NCKAP5: variants seen among roughly 807,000 people sequenced by gnomAD.
The protein encoded by NCKAP5 is nck-associated protein 5.
In NCKAP5, 92 loss-of-function variants were observed where a neutral mutation model predicts 167.0. The ratio of observed to expected loss-of-function variants is 0.55; its 90% confidence interval spans 0.47 to 0.66. The LOEUF is 0.66. Among genes scored for constraint, NCKAP5 ranks in the 30% least tolerant of loss-of-function variants. The pLI is 0.00. For missense variants in NCKAP5, 2,378 were observed against 2,315.0 expected, an observed-to-expected ratio of 1.03 and a Z score of -0.56; for synonymous variants, 891 against 877.4, an observed-to-expected ratio of 1.02 and a Z score of -0.27.
At chr2:133,132,481 G>GTGCA (rs1553546862) in intron 5 of NCKAP5, among the ~76,000 whole-genome samples, 1 of 130,000 alleles carries the variant, frequency 7.7e-6, no homozygotes, top group African/African-American at 2.9e-5. Context: ...GAAAAAAAAA[G>GTGCA]CACACACACA....
At chr2:133,546,837 T>A (rs907279084) in intron 2 of NCKAP5, among the ~76,000 whole-genome samples, 2 of 152,174 alleles carry the variant, frequency 1.3e-5, no homozygotes, top group Non-Finnish European at 2.9e-5. Context: ...AGAGCAATTC[T>A]TTGTCCAATG....
At chr2:133,345,408 C>G (rs560903437) in intron 3 of NCKAP5, among the ~76,000 whole-genome samples, 1 of 152,114 alleles carries the variant, frequency 6.6e-6, no homozygotes, top group Non-Finnish European at 1.5e-5. Context: ...TACTTACTAA[C>G]AAACTAATAG....
chr2:132,861,309 A>G (rs1335943987), intron 10 of NCKAP5, among the ~76,000 whole-genome samples: 3 of 152,094 alleles, frequency 2.0e-5, no homozygotes, highest in African/African-American at 2.4e-5. Context: ...TCCCCAGCTC[A>G]TGGAGGAAGC....
chr2:133,532,133 T>C (rs895924118), intron 2 of NCKAP5, among the ~76,000 whole-genome samples: 4 of 152,254 alleles, frequency 2.6e-5, no homozygotes, highest in African/African-American at 9.6e-5. Context: ...TTTCACTTAA[T>C]GTTATAGCAG....
At chr2:133,630,425 G>A in the NCKAP5 span, among the ~76,000 whole-genome samples, 3 of 152,156 alleles carry the variant, frequency 2.0e-5, no homozygotes, top group African/African-American at 7.2e-5. Flanking sequence ...CACACTGAAA[G>A]CCATTGGATG....
chr2:133,207,610 G>T (rs2086011496), intron 5 of NCKAP5, among the ~76,000 whole-genome samples: 1 of 151,868 alleles, frequency 6.6e-6, no homozygotes, highest in South Asian at 2.1e-4. Context: ...ATCTTACAAT[G>T]CCAGAAAGAA....
the NCKAP5 span, among the ~76,000 whole-genome samples, chr2:133,637,088 T>A: frequency 2.6e-5 from 4 of 151,402 alleles, no homozygotes; most frequent in Non-Finnish European, 4.4e-5. Flanking sequence ...AATAAATATA[T>A]GTATACTTTT....
At chr2:132,717,565 A>T (rs576189478) in intron 19 of NCKAP5, among the ~76,000 whole-genome samples, 68 of 152,338 alleles carry the variant, frequency 4.5e-4, no homozygotes, top group African/African-American at 1.6e-3. Flanking sequence ...AAAATTCATC[A>T]TCTCTGCATA....
the NCKAP5 span, among the ~76,000 whole-genome samples, chr2:133,642,247 T>C: frequency 1.2e-3 from 178 of 152,212 alleles, no homozygotes; most frequent in Non-Finnish European, 2.4e-3. Context: ...TCATACAGGA[T>C]CACCTCCATG....
At chr2:132,723,086 C>T (rs1558970660) in intron 19 of NCKAP5, among the ~76,000 whole-genome samples, 2 of 151,868 alleles carry the variant, frequency 1.3e-5, no homozygotes, top group Non-Finnish European at 2.9e-5. Context: ...CTTACCGTCC[C>T]GAAGTGCTGG....
In NCKAP5 at chr2:132,920,771, GTATATATATATATATATA is replaced by G. The variant is rs55895538; in HGVS notation, c.580-41873_580-41856del. Among the ~76,000 whole-genome samples, 53 of 31,576 alleles carry G rather than the reference GTATATATATATATATATA, an allele frequency of 1.7e-3. 3 individuals are homozygous for G. The highest frequency in any genetic ancestry group is 3.0e-3 in the African/African-American group (27 of 9,064). The allele number at this position is 31,576 out of a possible 152,430, so 20.7% of individuals were successfully genotyped here. A position where few individuals can be genotyped will look rare whatever the true frequency, so the allele number is the denominator to read the frequency against. On this transcript the variant is annotated intron_variant, in intron 8 of 19. Coordinates refer to ENST00000409261, the MANE Select transcript of NCKAP5 (RefSeq NM_207363.3). ...TATATATATATGTATATATATGTAT[GTATATATATATATATATA>G]TATATATATATATATATATATATAT...
the NCKAP5 span, among the ~76,000 whole-genome samples, chr2:133,674,796 T>C: frequency 6.6e-6 from 1 of 152,168 alleles, no homozygotes; most frequent in Non-Finnish European, 1.5e-5. Flanking sequence ...GGATCTTCCT[T>C]CAAGAGTTTT....
chr2:133,550,501 G>A (rs62179294), intron 2 of NCKAP5, among the ~76,000 whole-genome samples: 2 of 149,368 alleles, frequency 1.3e-5, no homozygotes, highest in Non-Finnish European at 3.0e-5. Flanking sequence ...AAAAACCACA[G>A]GATTATCTCA....
intron 5 of NCKAP5, among the ~76,000 whole-genome samples, chr2:133,166,818 G>A (rs1044078320): frequency 6.6e-6 from 1 of 152,084 alleles, no homozygotes; most frequent in Non-Finnish European, 1.5e-5. Context: ...GGTTTTAGGG[G>A]GCTGACATTT....
intron 4 of NCKAP5, among the ~76,000 whole-genome samples, chr2:133,289,012 C>T (rs1482400826): frequency 6.6e-6 from 1 of 152,178 alleles, no homozygotes; most frequent in Non-Finnish European, 1.5e-5. Context: ...GCCTAAATGA[C>T]TTTTGCAAGA....
chr2:133,180,233 T>C (rs1025949009), intron 5 of NCKAP5, among the ~76,000 whole-genome samples: 9 of 152,066 alleles, frequency 5.9e-5, no homozygotes, highest in Non-Finnish European at 1.2e-4. Flanking sequence ...CCCTCAGTAA[T>C]GAAGGAGAAA....
At chr2:132,706,100 C>T (rs1010962644) in intron 19 of NCKAP5, among the ~76,000 whole-genome samples, 3 of 152,134 alleles carry the variant, frequency 2.0e-5, no homozygotes, top group Non-Finnish European at 2.9e-5. Flanking sequence ...CACACACATA[C>T]ACACATACAC....
intron 2 of NCKAP5, among the ~76,000 whole-genome samples, chr2:133,536,817 T>G (rs1333678496): frequency 6.6e-6 from 1 of 152,012 alleles, no homozygotes; most frequent in Non-Finnish European, 1.5e-5. Context: ...ATTTTACTGA[T>G]GTCCAAGCTA....
At chr2:133,384,356 C>T (rs953189675) in intron 3 of NCKAP5, among the ~76,000 whole-genome samples, 1 of 152,186 alleles carries the variant, frequency 6.6e-6, no homozygotes, top group Non-Finnish European at 1.5e-5. Context: ...CGTCAAAGAT[C>T]AGATAGCTAT....
Sources: gnomAD v4.1 joint callset for allele counts (sites outside exome capture counted in the v4.1 genomes callset) on GRCh38, gnomAD v4.1.1 for gene constraint, MANE v1.5 for transcripts, NCBI Gene and HGNC (gene_info 2026-07-23, HGNC 2026-07-21) for gene names.